The following ADD2 variants were observed in gnomAD, a reference collection of about 807,000 sequenced individuals.
ADD2 encodes adducin 2.
Under a neutral mutation model 83.0 loss-of-function variants are expected in ADD2, and 23 were observed. The observed-to-expected ratio is 0.28, with a 90% CI of 0.20 to 0.39. The LOEUF (loss-of-function observed/expected upper bound fraction) is 0.39, where lower values mean the gene tolerates loss of function less well. Among genes scored for constraint, ADD2 ranks in the 10% least tolerant of loss-of-function variants. The pLI, the probability that ADD2 is intolerant of heterozygous loss-of-function variation, is 1.00. For synonymous variants in ADD2, 375 were observed against 375.4 expected, an observed-to-expected ratio of 1.00 and a Z score of 0.01; for missense variants, 758 against 944.9, an observed-to-expected ratio of 0.80 and a Z score of 2.59.
At chr2:70,717,153 C>T (rs950793992) in intron 1 of ADD2, among the ~76,000 whole-genome samples, 2 of 151,968 alleles carry the variant, frequency 1.3e-5, no homozygotes, top group Non-Finnish European at 2.9e-5. Flanking sequence ...ACCTCTGCAG[C>T]CCCTCAGCAG....
At chr2:70,720,276 TTAG>T (rs1672671337) in intron 1 of ADD2, among the ~76,000 whole-genome samples, 1 of 151,844 alleles carries the variant, frequency 6.6e-6, no homozygotes, top group Non-Finnish European at 1.5e-5. Flanking sequence ...AGGAGGAAAG[TTAG>T]TAGGCCCAGA....
In ADD2 at chr2:70,676,402, G is replaced by T. The variant is rs973776598; in HGVS notation, c.1593+394C>A. The T allele has an allele frequency of 6.1e-6, 7 of 1,155,612 alleles. No individual in the cohort carries two copies. The highest frequency in any genetic ancestry group is 7.5e-6 in the Non-Finnish European group (7 of 936,364). 71.6% of individuals were successfully genotyped at this position (1,155,612 alleles called of 1,614,324 possible). A position where few individuals can be genotyped will look rare whatever the true frequency, so the allele number is the denominator to read the frequency against. On this transcript the variant is annotated intron_variant, in intron 13 of 15. Transcript: ENST00000264436. The surrounding 1 kb of genome is among the most constrained non-coding windows in gnomAD (Gnocchi z 4.8). ...CTCTGGTTGGATGATGTCATACCAG[G>T]CTCAGAGGTCAGAGACTCTCAGGGC...
intron 1 of ADD2, among the ~76,000 whole-genome samples, chr2:70,751,279 C>G (rs1207951814): frequency 2.0e-5 from 3 of 152,146 alleles, no homozygotes; most frequent in Non-Finnish European, 4.4e-5. Flanking sequence ...TAAAGATGGG[C>G]AGGGCTGGTT....
chr2:70,758,968 G>A (rs1230818872), intron 1 of ADD2, among the ~76,000 whole-genome samples: 1 of 152,120 alleles, frequency 6.6e-6, no homozygotes, highest in Non-Finnish European at 1.5e-5. Flanking sequence ...ACATCGACAT[G>A]GAAACCAAAG....
At chr2:70,686,843 T>C (rs1437840222) in intron 9 of ADD2, among the ~76,000 whole-genome samples, 1 of 152,198 alleles carries the variant, frequency 6.6e-6, no homozygotes, top group Non-Finnish European at 1.5e-5. Context: ...ATCATTATCT[T>C]CACAGCTATC....
chr2:70,659,358 T>G lies in ADD2; in HGVS notation c.*4067A>C, dbSNP rs1369878146. On this transcript the variant is annotated 3_prime_UTR_variant, in exon 16 of 16. Transcript: ENST00000264436. ...GGATTTATAGCATTTTCCCCCACAC[T>G]AGCAGTAGCCCTGCTACAACAATGC... is the stretch of plus-strand genomic sequence containing the variant. 6.6e-6 allele frequency: 1 copy of G among 152,178 alleles called. No individual in the cohort carries two copies. Among genetic ancestry groups the G allele is most frequent in the Non-Finnish European group, 1.5e-5 (1 of 68,034 alleles). 9.4% of individuals were successfully genotyped at this position (152,178 alleles called of 1,614,324 possible). A position where few individuals can be genotyped will look rare whatever the true frequency, so the allele number is the denominator to read the frequency against.
chr2:70,720,349 A>C (rs1240139786), intron 1 of ADD2, among the ~76,000 whole-genome samples: 2 of 151,896 alleles, frequency 1.3e-5, no homozygotes, highest in African/African-American at 4.8e-5. Flanking sequence ...AAAGGCTCAC[A>C]TGGGGAACTG....
chr2:70,765,468 T>C (rs1318164097), intron 1 of ADD2, among the ~76,000 whole-genome samples: 2 of 152,272 alleles, frequency 1.3e-5, no homozygotes, highest in East Asian at 3.8e-4. Context: ...TTTGTAATTA[T>C]ATATTCATTT....
intron 13 of ADD2, chr2:70,675,588 C>T (rs74957339): frequency 0.024 from 23,924 of 985,404 alleles, 352 homozygotes; most frequent in Admixed American, 0.058. Flanking sequence ...TTTCCTAATT[C>T]AGCATCCTCA....
Position 70,657,166 on chromosome 2 carries a change from C to A in ADD2, c.*6259G>T, listed in dbSNP as rs1675387578. ...TGCATACTCAAGGGGGCCGGCATTT[C>A]AGTAGCAGAAAGAGTATTTACATGG... On this transcript the variant is annotated 3_prime_UTR_variant, in exon 16 of 16. Transcript: ENST00000264436. 6.6e-6 allele frequency: 1 copy of A among 152,108 alleles called. No individual in the cohort carries two copies. Among genetic ancestry groups the A allele is most frequent in the Non-Finnish European group, 1.5e-5 (1 of 68,026 alleles). 9.4% of individuals were successfully genotyped at this position (152,108 alleles called of 1,614,324 possible). A position where few individuals can be genotyped will look rare whatever the true frequency, so the allele number is the denominator to read the frequency against.
intron 8 of ADD2, among the ~76,000 whole-genome samples, chr2:70,690,168 C>T (rs1254672704): frequency 3.3e-5 from 5 of 151,896 alleles, no homozygotes; most frequent in Non-Finnish European, 7.4e-5. Flanking sequence ...GTGATCACAG[C>T]TCACTGCAGC....
chr2:70,744,021 C>A (rs1221143019), intron 1 of ADD2, among the ~76,000 whole-genome samples: 2 of 152,130 alleles, frequency 1.3e-5, no homozygotes, highest in Non-Finnish European at 2.9e-5. Context: ...AGTAAACAGG[C>A]CAGGTAAGGA....
At chr2:70,695,054 CTA>C (rs1671241267) in intron 6 of ADD2, among the ~76,000 whole-genome samples, 1 of 152,122 alleles carries the variant, frequency 6.6e-6, no homozygotes, top group Non-Finnish European at 1.5e-5. Flanking sequence ...CCTAGATATT[CTA>C]TGACTTGCTG....
In ADD2 at chr2:70,687,914, G is replaced by A. The variant is rs147962083; in HGVS notation, c.948+110C>T. 9.3e-5 allele frequency: 69 copies of A among 742,448 alleles called. No homozygotes were observed. In the African/African-American group the frequency reaches 1.0e-3, roughly 11 times the overall value. 46.0% of individuals were successfully genotyped at this position (742,448 alleles called of 1,614,324 possible). ...GAGAAATAGGGCAAGGCTTTTAGAT[G>A]GCTGGGATCAAAAGACTCCCTGAAT... On this transcript the variant is annotated intron_variant, in intron 9 of 15. Transcript: ENST00000264436.
chr2:70,759,798 C>G (rs1431912552), intron 1 of ADD2, among the ~76,000 whole-genome samples: 1 of 152,114 alleles, frequency 6.6e-6, no homozygotes, highest in Non-Finnish European at 1.5e-5. Context: ...ATTACCCAGC[C>G]TTGGATATTC....
At chr2:70,703,266 A>C (rs1288773146) in intron 4 of ADD2, among the ~76,000 whole-genome samples, 2 of 152,216 alleles carry the variant, frequency 1.3e-5, no homozygotes, top group Non-Finnish European at 2.9e-5. Flanking sequence ...ATCATGTCCA[A>C]TATGTATGTG....
intron 2 of ADD2, among the ~76,000 whole-genome samples, chr2:70,709,222 C>G (rs1189782194): frequency 6.6e-6 from 1 of 151,840 alleles, no homozygotes; most frequent in Non-Finnish European, 1.5e-5. Context: ...TGATCTCCCC[C>G]AACCAGCACC....
At chr2:70,690,719 T>C (rs1420108254) in intron 8 of ADD2, 67 bp downstream of exon 8, 52 of 1,535,862 alleles carry the variant, frequency 3.4e-5, no homozygotes, top group Non-Finnish European at 4.4e-5. Context: ...TGAACATATG[T>C]CACTTTTGTG....
chr2:70,737,373 C>T (rs1384735228), intron 1 of ADD2, among the ~76,000 whole-genome samples: 2 of 152,084 alleles, frequency 1.3e-5, no homozygotes, highest in African/African-American at 4.8e-5. Flanking sequence ...GGCACATATA[C>T]ACAATGGAAT....
Sources: allele counts gnomAD v4.1 joint callset (sites outside exome capture counted in the v4.1 genomes callset), GRCh38; gene constraint gnomAD v4.1.1; non-coding constraint Gnocchi (gnomAD v3.1); transcripts MANE v1.5; gene names NCBI Gene and HGNC (gene_info 2026-07-23, HGNC 2026-07-21).